Variants in ADCY10 observed in about 807,000 individuals in gnomAD.
The protein encoded by ADCY10 is adenylate cyclase type 10.
Under a neutral mutation model 183.3 loss-of-function variants are expected in ADCY10, and 156 were observed. The observed-to-expected ratio is 0.85, with a 90% CI of 0.75 to 0.97. The LOEUF is 0.97. ADCY10 is among the 50% of genes least tolerant of loss of function. The pLI, the probability that ADCY10 is intolerant of heterozygous loss-of-function variation, is 0.00. For missense variants in ADCY10, 1,745 were observed against 1,934.3 expected, an observed-to-expected ratio of 0.90 and a Z score of 1.84; for synonymous variants, 645 against 670.0, an observed-to-expected ratio of 0.96 and a Z score of 0.58.
intron 14 of ADCY10, among the ~76,000 whole-genome samples, chr1:167,864,715 A>G (rs2102082593): frequency 6.6e-6 from 1 of 152,326 alleles, no homozygotes; most frequent in African/African-American, 2.4e-5. Flanking sequence ...TTTAAAACCT[A>G]AAATTGATAA....
intron 9 of ADCY10, among the ~76,000 whole-genome samples, chr1:167,881,627 A>G (rs1000904603): frequency 2.6e-5 from 4 of 152,230 alleles, no homozygotes; most frequent in African/African-American, 7.2e-5. Context: ...TTTATTGCAC[A>G]CTGACTCTAA....
At chr1:167,810,667 TG>T in intron 32 of ADCY10, 57 bp downstream of exon 32, 1 of 1,562,008 alleles carries the variant, frequency 6.4e-7, no homozygotes, top group Non-Finnish European at 8.8e-7. Context: ...AGTAGGCTTC[TG>T]GGCTTCTTTA....
chr1:167,834,433 A>G, intron 23 of ADCY10: 1 of 350,486 alleles, frequency 2.9e-6, no homozygotes, highest in Admixed American at 4.2e-5. Context: ...ATTCCCAACA[A>G]CACATCCACT....
chr1:167,833,042 T>C lies in ADCY10; in HGVS notation c.3538A>G (p.Lys1180Glu). The part of the protein sequence containing the change: ...ISLFLHIHVE[K>E]NRHFHYVNRQ... The stretch of plus-strand genomic sequence containing the variant: ...TTCACATAATGAAAGTGTCTGTTTT[T>C]CTCGACATGGATATGGAGAAACAAG... The change falls in exon 25 of 33, where the codon AAA becomes GAA. Residue 1180 changes from lysine to glutamate, a missense_variant. Transcript: ENST00000367851. 1 of 1,614,164 alleles carries C rather than the reference T, an allele frequency of 6.2e-7. No homozygotes were observed. Among genetic ancestry groups the C allele is most frequent in the Non-Finnish European group, 8.5e-7 (1 of 1,180,022 alleles).
rs139004469 is a variant in ADCY10 at position 167,895,218 on chromosome 1, T to C, written c.740-1277A>G. On this transcript the variant is annotated intron_variant, in intron 7 of 32. Transcript: ENST00000367851. ...AAAAAGGAATTGCATTGCAGTATTA[T>C]GGTGCTCAAAGTAAGGCCTGAAGAA... 1.5e-3 allele frequency among the ~76,000 whole-genome samples: 227 copies of C among 151,044 alleles called. 1 individual carries two copies. The highest frequency in any genetic ancestry group is 5.2e-3 in the African/African-American group (215 of 41,142).
intron 31 of ADCY10, among the ~76,000 whole-genome samples, chr1:167,816,682 G>C (rs1220653674): frequency 6.6e-6 from 1 of 152,086 alleles, no homozygotes; most frequent in Non-Finnish European, 1.5e-5. Context: ...CCTGTTGACA[G>C]GAAAAAAATC....
chr1:167,814,473 T>G, intron 31 of ADCY10, among the ~76,000 whole-genome samples: 1 of 151,668 alleles, frequency 6.6e-6, no homozygotes, highest in East Asian at 1.9e-4. Context: ...ATATAACAAT[T>G]ATAAACATTT....
At chr1:167,812,298 T>C (rs1458752181) in intron 31 of ADCY10, among the ~76,000 whole-genome samples, 2 of 152,174 alleles carry the variant, frequency 1.3e-5, no homozygotes, top group African/African-American at 4.8e-5. Flanking sequence ...CTTTATTTTT[T>C]TCTCCACCCA....
chr1:167,854,117 C>T (rs763456682), intron 18 of ADCY10, among the ~76,000 whole-genome samples: 5 of 152,070 alleles, frequency 3.3e-5, no homozygotes, highest in South Asian at 2.1e-4. Context: ...GAGATTTAGG[C>T]GTGAGCCACC....
rs765837107 is a variant in ADCY10 at position 167,848,506 on chromosome 1, G to A, written c.2309-17C>T. ...TGGAATACTCTACAGGGGTATAAAA[G>A]GGAAGAAAAGTTGAGTCATTATCCT... On this transcript the variant is annotated splice_polypyrimidine_tract_variant and intron_variant, in intron 18 of 32. Transcript: ENST00000367851. 5.0e-6 allele frequency: 8 copies of A among 1,613,096 alleles called. No homozygotes were observed. The African/African-American group carries it at 1.1e-4, about 22-fold the overall frequency.
At chr1:167,869,929 G>C (rs1336481225) in intron 14 of ADCY10, among the ~76,000 whole-genome samples, 1 of 152,164 alleles carries the variant, frequency 6.6e-6, no homozygotes, top group Non-Finnish European at 1.5e-5. Flanking sequence ...ATAAACTTAA[G>C]TGTTTGTTCT....
chr1:167,909,391 A>C (rs530981301), intron 1 of ADCY10, among the ~76,000 whole-genome samples: 1 of 152,282 alleles, frequency 6.6e-6, no homozygotes, highest in Admixed American at 6.5e-5. Context: ...TCCTGGGTAT[A>C]TACACAGGAG....
intron 13 of ADCY10, among the ~76,000 whole-genome samples, chr1:167,873,095 C>T (rs203821): frequency 0.022 from 3,339 of 151,964 alleles, 96 homozygotes; most frequent in African/African-American, 0.069. Context: ...GAAATATCCA[C>T]ATAATGTGTT....
At position 167,822,538 on chromosome 1, in the gene ADCY10, A is replaced by C. The variant is rs117996238; in HGVS notation, c.4169-397T>G. Among the ~76,000 whole-genome samples, 221 of 152,264 alleles carry C rather than the reference A, an allele frequency of 1.5e-3. 3 individuals carry two copies. The East Asian group carries it at 0.02, about 14-fold the overall frequency. On this transcript the variant is annotated intron_variant, in intron 29 of 32. Coordinates refer to ENST00000367851, the MANE Select transcript of ADCY10 (RefSeq NM_018417.6). ...TTGGTTCCTGTGGTTTAGTGTGTAC[A>C]CTTCAAGTGACCTACTTGGTGTCAC...
intron 25 of ADCY10, among the ~76,000 whole-genome samples, chr1:167,832,406 A>G (rs961169523): frequency 1.3e-5 from 2 of 152,012 alleles, no homozygotes; most frequent in South Asian, 4.1e-4. Flanking sequence ...ATTTCTTCCC[A>G]CTCATTATTA....
At chr1:167,811,724 AC>A (rs2101824262) in intron 31 of ADCY10, among the ~76,000 whole-genome samples, 1 of 152,336 alleles carries the variant, frequency 6.6e-6, no homozygotes, top group South Asian at 2.1e-4. Context: ...ACAAGTGGAA[AC>A]CACTGTGGGA....
chr1:167,850,309 G>A (rs1461165380), intron 18 of ADCY10, among the ~76,000 whole-genome samples: 3 of 152,090 alleles, frequency 2.0e-5, no homozygotes, highest in Non-Finnish European at 4.4e-5. Flanking sequence ...AAGGAGGGGT[G>A]GTTGAGCGGG....
chr1:167,909,186 C>T lies in ADCY10; in HGVS notation c.-58-3988G>A, dbSNP rs948847644. On this transcript the variant is annotated intron_variant, in intron 1 of 32. Transcript: ENST00000367851. ...CTACATATTTTGTGTTTGTGATATT[C>T]ATCCATGTTGTTGTATATCAATAAT... Among the ~76,000 whole-genome samples the T allele has an allele frequency of 4.1e-4, 62 of 152,142 alleles. 1 individual carries two copies. The highest frequency in any genetic ancestry group is 1.5e-3 in the African/African-American group (62 of 41,424).
At chr1:167,901,584 C>T in intron 5 of ADCY10, 78 bp downstream of exon 5, 3 of 1,439,834 alleles carry the variant, frequency 2.1e-6, no homozygotes, top group South Asian at 1.1e-5. Flanking sequence ...TACTACTTCT[C>T]TTTGGGAGAG....
Sources: allele counts gnomAD v4.1 joint callset (sites outside exome capture counted in the v4.1 genomes callset), GRCh38; gene constraint gnomAD v4.1.1; transcripts MANE v1.5; gene names NCBI Gene and HGNC (gene_info 2026-07-23, HGNC 2026-07-21).